TNPO1: variants seen among roughly 807,000 people sequenced by gnomAD.
TNPO1 encodes the protein transportin-1.
Under a neutral mutation model 119.5 loss-of-function variants are expected in TNPO1, and 8 were observed. That is an observed-to-expected ratio of 0.07 (90% CI 0.04 to 0.12). The LOEUF (loss-of-function observed/expected upper bound fraction) is 0.12. TNPO1 is among the 10% of genes least tolerant of loss of function. The probability of loss-of-function intolerance (pLI) is 1.00; values close to 1 mark genes in which losing one functional copy is unlikely to be tolerated. For synonymous variants in TNPO1, 362 were observed against 363.0 expected (o/e 1.00, Z 0.03); for missense variants, 576 against 1,089.8 (o/e 0.53, Z 6.64).
chr5:72,882,392 C>A, intron 9 of TNPO1, 75 bp from the exon 10 acceptor site: 1 of 1,077,262 alleles, frequency 9.3e-7, no homozygotes, highest in Non-Finnish European at 1.4e-6. Flanking sequence ...TTTATTAGTA[C>A]ATGTAAGGTT....
At chr5:72,880,206 C>A (rs1181553786) in intron 9 of TNPO1, among the ~76,000 whole-genome samples, 1 of 152,042 alleles carries the variant, frequency 6.6e-6, no homozygotes, top group Non-Finnish European at 1.5e-5. Context: ...AAAAAAAAAG[C>A]ACCAGTGTAA....
intron 1 of TNPO1, among the ~76,000 whole-genome samples, chr5:72,829,404 A>G (rs570630418): frequency 2.0e-5 from 3 of 152,354 alleles, no homozygotes; most frequent in African/African-American, 7.2e-5. Flanking sequence ...GCAAGAAGTC[A>G]CCTAAGGCTG....
At chr5:72,889,981 A>G in intron 14 of TNPO1, 24 bp downstream of exon 14, 1 of 1,604,914 alleles carries the variant, frequency 6.2e-7, no homozygotes, top group Non-Finnish European at 8.5e-7. Flanking sequence ...AAGAACTATT[A>G]GGGAAAATAA....
chr5:72,886,070 C>T (rs1441637677), intron 11 of TNPO1, among the ~76,000 whole-genome samples: 1 of 151,724 alleles, frequency 6.6e-6, no homozygotes, highest in Non-Finnish European at 1.5e-5. Flanking sequence ...TTGATAGGCC[C>T]CACCTCCCAT....
At chr5:72,904,139 C>T (rs777724138) in intron 23 of TNPO1, among the ~76,000 whole-genome samples, 3 of 152,064 alleles carry the variant, frequency 2.0e-5, no homozygotes, top group South Asian at 2.1e-4. Context: ...GGAGTAAGCC[C>T]ATGTCATTAT....
intron 1 of TNPO1, among the ~76,000 whole-genome samples, chr5:72,821,669 G>A (rs184137603): frequency 1.3e-5 from 2 of 152,112 alleles, no homozygotes; most frequent in Admixed American, 1.3e-4. Context: ...TGGAGAAAGA[G>A]ATATGTAAAT....
intron 12 of TNPO1, 31 bp downstream of exon 12, chr5:72,887,253 G>C: frequency 8.5e-7 from 1 of 1,178,218 alleles, no homozygotes; most frequent in Non-Finnish European, 1.2e-6. Context: ...AATTATGTAA[G>C]TTGGCTTCTT....
chr5:72,888,139 C>T lies in TNPO1; in HGVS notation c.1365C>T (p.Leu455=), dbSNP rs375696891. Residue 455 remains leucine (L), a synonymous_variant, in exon 13 of 25, where the codon CTC becomes CTT. Coordinates refer to ENST00000337273, the MANE Select transcript of TNPO1 (RefSeq NM_002270.4). The part of the protein sequence containing the change: ...PELIPHLIQC[L]SDKKALVRSI... ...TTATTCCTCACCTTATTCAGTGCCT[C>T]TCTGATAAAAAGGCTCTTGTGCGTT... 7 of 1,614,142 alleles carry T rather than the reference C, an allele frequency of 4.3e-6. No individual in the cohort carries two copies. Among genetic ancestry groups the T allele is most frequent in the Non-Finnish European group, 5.9e-6 (7 of 1,180,036 alleles).
At chr5:72,883,374 A>G (rs1748390733) in intron 11 of TNPO1, 142 bp downstream of exon 11, 1 of 619,074 alleles carries the variant, frequency 1.6e-6, no homozygotes, top group African/African-American at 1.8e-5. Context: ...TTCAACCATT[A>G]CCACAATCAG....
At chr5:72,864,346 G>T (rs928228660) in intron 5 of TNPO1, among the ~76,000 whole-genome samples, 6 of 152,040 alleles carry the variant, frequency 3.9e-5, no homozygotes, top group African/African-American at 1.4e-4. Flanking sequence ...CCTTCTGTTG[G>T]ACACTTTAAA....
In TNPO1 at chr5:72,903,756, A is replaced by G; in HGVS notation, c.2562A>G (p.Lys854=). Reference sequence around the variant, plus strand: ...CCGTTGCATCATGGATTAACCCAAAAGATGATCTCAGAGACATGTTCTGTA... The same window carrying G: ...CCGTTGCATCATGGATTAACCCAAAGGATGATCTCAGAGACATGTTCTGTA... ...CDAVASWINP[K]DDLRDMFCKI... The change falls in exon 23 of 25, where the codon AAA becomes AAG. Residue 854 remains lysine (K), a synonymous_variant. Transcript: ENST00000337273. 5 of 1,609,094 alleles carry G rather than the reference A, an allele frequency of 3.1e-6. No homozygotes were observed. The highest frequency in any genetic ancestry group is 3.4e-6 in the Non-Finnish European group (4 of 1,177,526).
In TNPO1 at chr5:72,910,281, T is replaced by C. The variant is rs545932772; in HGVS notation, c.*1608T>C. On this transcript the variant is annotated 3_prime_UTR_variant, in exon 25 of 25. Coordinates refer to ENST00000337273, the MANE Select transcript of TNPO1 (RefSeq NM_002270.4). ...TTGTTTAGCTTTTCTGTTATTTTTC[T>C]CTACTTACATGTATTCCTGTGAATA... 1 of 152,778 alleles carries C rather than the reference T, an allele frequency of 6.5e-6. No homozygotes were observed. The highest frequency in any genetic ancestry group is 2.1e-4 in the South Asian group (1 of 4,834). The allele number at this position is 152,778 out of a possible 1,614,324, so 9.5% of individuals were successfully genotyped here. A position where few individuals can be genotyped will look rare whatever the true frequency, so the allele number is the denominator to read the frequency against.
intron 20 of TNPO1, among the ~76,000 whole-genome samples, chr5:72,899,762 GA>G (rs1183522043): frequency 1.3e-5 from 2 of 152,074 alleles, no homozygotes; most frequent in African/African-American, 4.8e-5. Context: ...TCAATCTTTA[GA>G]TTTTTTTAAT....
At chr5:72,834,813 A>T (rs911241118) in intron 1 of TNPO1, among the ~76,000 whole-genome samples, 63 of 152,158 alleles carry the variant, frequency 4.1e-4, no homozygotes, top group African/African-American at 1.5e-3. Context: ...TAGTCCTATA[A>T]GCTCCATTCA....
chr5:72,875,573 A>T (rs1402044545), intron 7 of TNPO1, 42 bp from the exon 8 acceptor site: 2 of 1,596,950 alleles, frequency 1.3e-6, no homozygotes, highest in African/African-American at 2.7e-5. Context: ...ACTTGTGTGT[A>T]AGCCTTTCTA....
intron 4 of TNPO1, among the ~76,000 whole-genome samples, chr5:72,860,276 GTT>G (rs1277281629): frequency 6.6e-6 from 1 of 151,996 alleles, no homozygotes; most frequent in Non-Finnish European, 1.5e-5. Context: ...CCTATGAAGA[GTT>G]TTCTTTTTTC....
At chr5:72,857,272 C>CA (rs1746072853) in intron 4 of TNPO1, among the ~76,000 whole-genome samples, 1 of 151,416 alleles carries the variant, frequency 6.6e-6, no homozygotes. Context: ...AAGCTGAGAT[C>CA]ACGCCATTGC....
In TNPO1 at chr5:72,861,851, T is replaced by C. The variant is rs1373993779; in HGVS notation, c.399T>C (p.Asn133=). The C allele has an allele frequency of 6.2e-7, 1 of 1,613,934 alleles. No individual in the cohort carries two copies. Among genetic ancestry groups the C allele is most frequent in the Non-Finnish European group, 8.5e-7 (1 of 1,179,908 alleles). The change falls in exon 5 of 25, where the codon AAT becomes AAC. Residue 133 remains asparagine, a synonymous_variant. Transcript: ENST00000337273. ...TTIASKGELQ[N]WPDLLPKLCS... is the part of the protein sequence containing the mutation. ...TAGCCTCCAAGGGAGAATTGCAGAA[T>C]TGGCCTGACCTCTTACCAAAACTCT...
At position 72,855,778 on chromosome 5, in the gene TNPO1, A is replaced by G. The variant is rs777079169; in HGVS notation, c.210A>G (p.Glu70=). 1 of 1,602,052 alleles carries G rather than the reference A, an allele frequency of 6.2e-7. No individual in the cohort carries two copies. The highest frequency in any genetic ancestry group is 8.5e-7 in the Non-Finnish European group (1 of 1,174,642). The change falls in exon 4 of 25, where the codon GAA becomes GAG. Residue 70 remains glutamate (E), a synonymous_variant. Coordinates refer to ENST00000337273, the MANE Select transcript of TNPO1 (RefSeq NM_002270.4). ...FVLTKLKSED[E]PTRSLSGLIL... ...ACTATTACTATTTTATTACAGATGA[A>G]CCCACAAGATCATTGAGTGGTCTTA...
Sources: gnomAD v4.1 joint callset for allele counts (sites outside exome capture counted in the v4.1 genomes callset) on GRCh38, gnomAD v4.1.1 for gene constraint, MANE v1.5 for transcripts, NCBI Gene and HGNC (gene_info 2026-07-23, HGNC 2026-07-21) for gene names.